The following EDA variants were observed in gnomAD, a reference collection of about 807,000 sequenced individuals.
EDA encodes ectodysplasin A.
EDA carries 2 observed loss-of-function variants against 23.6 expected under a neutral mutation model. The observed-to-expected ratio is 0.08, with a 90% CI of 0.03 to 0.27. The LOEUF (loss-of-function observed/expected upper bound fraction) is 0.27. EDA is among the 10% of genes least tolerant of loss of function. The pLI is 1.00. For synonymous variants in EDA, 131 were observed against 132.0 expected (o/e 0.99, Z 0.05); for missense variants, 229 against 324.2 (o/e 0.71, Z 2.26).
intron 1 of EDA, among the ~76,000 whole-genome samples, chrX:69,636,375 C>G (rs1932774286): frequency 9.0e-6 from 1 of 110,544 alleles, no homozygotes; most frequent in African/African-American, 3.3e-5. Flanking sequence ...GCTTGTACAG[C>G]CAGTAGAACT....
intron 1 of EDA, among the ~76,000 whole-genome samples, chrX:69,915,863 G>GGGCA (rs1219117066): frequency 9.0e-6 from 1 of 111,388 alleles, no homozygotes; most frequent in Non-Finnish European, 1.9e-5. Context: ...GGGCGGGAGA[G>GGGCA]GGCAGAGAAA....
chrX:69,841,234 A>G (rs1036188880), intron 1 of EDA, among the ~76,000 whole-genome samples: 2 of 111,901 alleles, frequency 1.8e-5, no homozygotes, highest in Non-Finnish European at 3.8e-5. Flanking sequence ...CCTTGTTACT[A>G]TGGTCAATAG....
intron 2 of EDA, among the ~76,000 whole-genome samples, chrX:70,011,965 A>G (rs1433466555): frequency 9.0e-6 from 1 of 111,573 alleles, no homozygotes; most frequent in Non-Finnish European, 1.9e-5. Flanking sequence ...AAGCACTAGA[A>G]TCTGGCTAGA....
At chrX:69,952,485 A>G (rs2018941573) in intron 1 of EDA, among the ~76,000 whole-genome samples, 1 of 111,738 alleles carries the variant, frequency 8.9e-6, no homozygotes, top group Admixed American at 9.5e-5. Context: ...ACTTGCTCCC[A>G]TGATTTAGTT....
At chrX:69,963,950 G>A (rs1271304028) in intron 2 of EDA, among the ~76,000 whole-genome samples, 1 of 111,472 alleles carries the variant, frequency 9.0e-6, no homozygotes, top group Non-Finnish European at 1.9e-5. Flanking sequence ...CCCACCCACT[G>A]CCCCGCTACA....
chrX:69,662,532 C>T (rs1297296001), intron 1 of EDA, among the ~76,000 whole-genome samples: 5 of 112,074 alleles, frequency 4.5e-5, no homozygotes. Flanking sequence ...TATAAATTAC[C>T]CAGTCTCAGA....
chrX:69,929,667 G>T (rs764239293), intron 1 of EDA, among the ~76,000 whole-genome samples: 1 of 106,432 alleles, frequency 9.4e-6, no homozygotes, highest in African/African-American at 3.4e-5. Flanking sequence ...TGTAGATTCT[G>T]CTCAGGGTTA....
At chrX:69,939,476 GT>G (rs752766844) in intron 1 of EDA, among the ~76,000 whole-genome samples, 1 of 110,777 alleles carries the variant, frequency 9.0e-6, no homozygotes, top group South Asian at 3.8e-4. Context: ...AGTTCTAATT[GT>G]TTTTTTGGTG....
chrX:69,620,444 A>G (rs1169274207), intron 1 of EDA: 2 of 119,886 alleles, frequency 1.7e-5, no homozygotes, highest in Non-Finnish European at 3.4e-5. Flanking sequence ...CAGAGTTGAC[A>G]TTACCTGTGT....
At chrX:69,950,824 A>G (rs1231376663) in intron 1 of EDA, among the ~76,000 whole-genome samples, 3 of 91,096 alleles carry the variant, frequency 3.3e-5, no homozygotes, top group African/African-American at 1.3e-4. Flanking sequence ...CATCATTCTC[A>G]GTAAACTATT....
chrX:69,987,851 C>T (rs963974850), intron 2 of EDA, among the ~76,000 whole-genome samples: 8 of 111,349 alleles, frequency 7.2e-5, no homozygotes, highest in African/African-American at 2.3e-4. Flanking sequence ...GACAGCTCAT[C>T]GTCTCTCCCC....
intron 1 of EDA, among the ~76,000 whole-genome samples, chrX:69,636,539 C>G (rs1401507453): frequency 9.1e-6 from 1 of 109,460 alleles, no homozygotes; most frequent in Non-Finnish European, 1.9e-5. Context: ...TCCTTCTCTA[C>G]TAAACCCCTC....
intron 1 of EDA, among the ~76,000 whole-genome samples, chrX:69,748,265 C>A (rs1180383752): frequency 9.0e-6 from 1 of 110,961 alleles, no homozygotes; most frequent in Non-Finnish European, 1.9e-5. Flanking sequence ...CTGATGGAAT[C>A]CAGAGAAACA....
intron 1 of EDA, among the ~76,000 whole-genome samples, chrX:69,663,307 G>A (rs1255005079): frequency 8.9e-6 from 1 of 112,053 alleles, no homozygotes; most frequent in Non-Finnish European, 1.9e-5. Context: ...TGCTGTATGT[G>A]CAGCCCAGGG....
At chrX:70,001,006 G>A (rs760542702) in intron 2 of EDA, among the ~76,000 whole-genome samples, 1 of 111,990 alleles carries the variant, frequency 8.9e-6, no homozygotes, top group Admixed American at 9.5e-5. Flanking sequence ...CTGCCTTTAT[G>A]GAGAAGGGGG....
intron 1 of EDA, among the ~76,000 whole-genome samples, chrX:69,741,269 G>A (rs1460457992): frequency 9.0e-6 from 1 of 111,200 alleles, no homozygotes; most frequent in Non-Finnish European, 1.9e-5. Flanking sequence ...TGCATGTTTT[G>A]TAATTTTTTG....
chrX:69,717,977 C>G (rs765673247), intron 1 of EDA, among the ~76,000 whole-genome samples: 41 of 111,842 alleles, frequency 3.7e-4, no homozygotes, highest in Non-Finnish European at 6.0e-4. Context: ...CCACTTTTCT[C>G]TCTTCCTCGT....
chrX:69,787,735 C>T (rs1389360575), intron 1 of EDA, among the ~76,000 whole-genome samples: 2 of 110,898 alleles, frequency 1.8e-5, no homozygotes, highest in Non-Finnish European at 3.8e-5. Context: ...TTTTTTCCTT[C>T]ATTTCAACTT....
chrX:69,805,992 T>C (rs1364506987), intron 1 of EDA, among the ~76,000 whole-genome samples: 1 of 111,755 alleles, frequency 8.9e-6, no homozygotes, highest in Admixed American at 9.5e-5. Context: ...CTGGGGGCTC[T>C]CTATACTTAC....
Sources: allele counts gnomAD v4.1 joint callset (sites outside exome capture counted in the v4.1 genomes callset), GRCh38; gene constraint gnomAD v4.1.1; transcripts MANE v1.5; gene names NCBI Gene and HGNC (gene_info 2026-07-23, HGNC 2026-07-21).